The following TCP11 variants were observed in gnomAD, a reference collection of about 807,000 sequenced individuals.
The protein encoded by TCP11 is T-complex protein 11 homolog.
A neutral mutation model predicts 45.0 loss-of-function variants in TCP11; 34 were observed. That is an observed-to-expected ratio of 0.76 (90% CI 0.57 to 1.01). The LOEUF is 1.01. Among genes scored for constraint, TCP11 ranks in the 50% least tolerant of loss-of-function variants. The probability of loss-of-function intolerance (pLI) is 0.00; values close to 1 mark genes in which losing one functional copy is unlikely to be tolerated. For missense variants in TCP11, 523 were observed against 598.1 expected, an observed-to-expected ratio of 0.87 and a Z score of 1.31; for synonymous variants, 227 against 227.0, an observed-to-expected ratio of 1.00 and a Z score of 0.00.
chr6:35,129,982 T>C (rs1285757336), intron 3 of TCP11, among the ~76,000 whole-genome samples: 1 of 151,962 alleles, frequency 6.6e-6, no homozygotes, highest in Non-Finnish European at 1.5e-5. Flanking sequence ...GGGGTCCCGC[T>C]ATGTTGCTCG....
intron 2 of TCP11, chr6:35,140,089 C>G: frequency 6.2e-7 from 1 of 1,613,948 alleles, no homozygotes; most frequent in Non-Finnish European, 8.5e-7. Flanking sequence ...CAGCAGCGAC[C>G]TCATGTGGCC....
At chr6:35,140,292 A>T in intron 2 of TCP11, 1 of 1,251,034 alleles carries the variant, frequency 8.0e-7, no homozygotes, top group East Asian at 2.9e-5. Flanking sequence ...CGCGGAGAAG[A>T]CCTTGTGCCC....
At position 35,122,280 on chromosome 6, in the gene TCP11, C is replaced by A; in HGVS notation, c.415G>T (p.Ala139Ser). 1.2e-6 allele frequency: 2 copies of A among 1,614,160 alleles called. No homozygotes were observed. The highest frequency in any genetic ancestry group is 1.7e-6 in the Non-Finnish European group (2 of 1,180,036). The change falls in exon 5 of 10, where the codon GCT becomes TCT. Residue 139 changes from alanine (A) to serine (S), a missense_variant. By Grantham distance (99) the Ala-to-Ser change is moderately conservative. Transcript: ENST00000311875. ...QNRLRIEIEEALDMDLLKQEA... is the reference protein window; with the variant it reads ...QNRLRIEIEESLDMDLLKQEA... ...TGCTTGAGCAAGTCCATGTCCAGAG[C>A]TTCTTCAATCTCAATTCTCAGGCGG...
chr6:35,137,562 C>T (rs1781227791), intron 2 of TCP11: 1 of 167,530 alleles, frequency 6.0e-6, no homozygotes, highest in Admixed American at 6.4e-5. Flanking sequence ...GATTTCATTT[C>T]ACTAAATAGT....
chr6:35,139,995 CA>C, intron 2 of TCP11: 1 of 1,612,840 alleles, frequency 6.2e-7, no homozygotes, highest in Non-Finnish European at 8.5e-7. Context: ...ATTGTGTGTA[CA>C]AAAAAACGGA....
rs769745628 is a variant in TCP11 at position 35,140,105 on chromosome 6, A to T, written c.124+642T>A. The T allele has an allele frequency of 7.4e-6, 12 of 1,613,870 alleles. No homozygotes were observed. The South Asian group carries it at 1.3e-4, about 18-fold the overall frequency. ...AGCAGCGACCTCATGTGGCCACAAG[A>T]AAAACCAATCTAATTCAGCCGCAAA... On this transcript the variant is annotated intron_variant, in intron 2 of 9. Coordinates refer to ENST00000311875, the MANE Select transcript of TCP11 (RefSeq NM_001370687.1).
chr6:35,124,158 T>C (rs1226528496), intron 4 of TCP11, among the ~76,000 whole-genome samples: 1 of 152,058 alleles, frequency 6.6e-6, no homozygotes, highest in Non-Finnish European at 1.5e-5. Context: ...TTCATTTGAG[T>C]GATTTTGATT....
Position 35,129,057 on chromosome 6 carries a change from C to T in TCP11, c.357+5G>A, listed in dbSNP as rs1474184215. On this transcript the variant is annotated splice_donor_5th_base_variant and intron_variant, in intron 4 of 9. Transcript: ENST00000311875. ...CTTTACATTTACAAATGGAAGGTCA[C>T]TCACCTCTTTAATTTCTTTCAGAAG... is the stretch of plus-strand genomic sequence containing the variant. The T allele has an allele frequency of 1.5e-5, 24 of 1,613,156 alleles. No individual in the cohort carries two copies. The highest frequency in any genetic ancestry group is 1.9e-5 in the Non-Finnish European group (23 of 1,179,740).
At position 35,120,571 on chromosome 6, in the gene TCP11, T is replaced by G. The variant is rs758120624; in HGVS notation, c.791A>C (p.Asp264Ala). ...DLTMSPPTCP[D>A]TSDSSSVAGP... ...AGCCACACTGGAGGAGTCAGAAGTG[T>G]CTGGGCAAGTCGGAGGTGACATGGT... The change falls in exon 7 of 10, where the codon GAC (aspartate) becomes GCC (alanine). Residue 264 changes from aspartate (D) to alanine (A), a missense_variant. Coordinates refer to ENST00000311875, the MANE Select transcript of TCP11 (RefSeq NM_001370687.1). The surrounding 1 kb of genome is among the most constrained non-coding windows in gnomAD (Gnocchi z 4.9). 6.2e-7 allele frequency: 1 copy of G among 1,613,850 alleles called. No individual in the cohort carries two copies. The highest frequency in any genetic ancestry group is 1.1e-5 in the South Asian group (1 of 91,074).
chr6:35,140,721 C>T, intron 2 of TCP11, 26 bp downstream of exon 2: 1 of 1,515,368 alleles, frequency 6.6e-7, no homozygotes. Context: ...CCTAGGGGGC[C>T]ACAGGGACTG....
At chr6:35,127,247 A>G (rs901545962) in intron 4 of TCP11, among the ~76,000 whole-genome samples, 6 of 152,206 alleles carry the variant, frequency 3.9e-5, no homozygotes, top group Admixed American at 2.6e-4. Flanking sequence ...CTGAGTACCA[A>G]TGAGAAATTG....
chr6:35,129,555 A>G (rs1354589343), intron 3 of TCP11, among the ~76,000 whole-genome samples: 2 of 152,146 alleles, frequency 1.3e-5, no homozygotes, highest in Admixed American at 6.5e-5. Flanking sequence ...ATTTTCTTAT[A>G]CTCCTGAAAT....
rs1289422334 is a variant in TCP11 at position 35,122,282 on chromosome 6, T to G, written c.413A>C (p.Glu138Ala). The G allele has an allele frequency of 7.4e-6, 12 of 1,614,182 alleles. No individual in the cohort carries two copies. Among genetic ancestry groups the G allele is most frequent in the Middle Eastern group, 1.6e-4 (1 of 6,062 alleles). ...RQNRLRIEIE[E>A]ALDMDLLKQE... ...CTTGAGCAAGTCCATGTCCAGAGCT[T>G]CTTCAATCTCAATTCTCAGGCGGTT... Residue 138 changes from glutamate to alanine, a missense_variant, in exon 5 of 10, where the codon GAA becomes GCA. Glu to Ala is a moderately radical substitution (Grantham distance 107). Transcript: ENST00000311875.
intron 1 of TCP11, 61 bp downstream of exon 1, chr6:35,141,144 C>T (rs1456208060): frequency 3.8e-6 from 5 of 1,314,304 alleles, no homozygotes; most frequent in Non-Finnish European, 4.8e-6. Context: ...TCCTTCGCGG[C>T]GAGGTGCCCC....
rs150752841 is a variant in TCP11 at position 35,122,303 on chromosome 6, C to A, written c.392G>T (p.Arg131Leu). 2.5e-6 allele frequency: 4 copies of A among 1,614,058 alleles called. No individual in the cohort carries two copies. Among genetic ancestry groups the A allele is most frequent in the Non-Finnish European group, 2.5e-6 (3 of 1,180,014 alleles). Residue 131 changes from arginine (R) to leucine (L), a missense_variant, in exon 5 of 10, where the codon CGC (arginine) becomes CTC (leucine). By Grantham distance (102) the Arg-to-Leu change is moderately radical (BLOSUM62 -2). Around this residue, in one of 2 missense-constraint regions of TCP11, gnomAD observed 225 missense variants for 210.2 expected, o/e 1.07. Coordinates refer to ENST00000311875, the MANE Select transcript of TCP11 (RefSeq NM_001370687.1). The stretch of plus-strand genomic sequence containing the variant: ...AGCTTCTTCAATCTCAATTCTCAGG[C>A]GGTTCTGGCGTGGTAATAGCAGTGA... ...LLSLLLPRQN[R>L]LRIEIEEALD...
At chr6:35,121,072 A>G in intron 5 of TCP11, 27 bp from the exon 6 acceptor site, 3 of 1,584,508 alleles carry the variant, frequency 1.9e-6, no homozygotes, top group Non-Finnish European at 2.6e-6. Context: ...GAGAATATTT[A>G]TACTACTAAG....
intron 9 of TCP11, 52 bp from the exon 10 acceptor site, chr6:35,118,553 A>G (rs1441981619): frequency 1.1e-5 from 17 of 1,526,154 alleles, no homozygotes; most frequent in Non-Finnish European, 1.5e-5. Context: ...GATTTCAGGG[A>G]GAAAATTCCC....
At chr6:35,123,630 A>G (rs1333449878) in intron 4 of TCP11, among the ~76,000 whole-genome samples, 1 of 145,832 alleles carries the variant, frequency 6.9e-6, no homozygotes, top group Non-Finnish European at 1.5e-5. Flanking sequence ...ACATGTCACC[A>G]TGTCCAGCTT....
chr6:35,127,738 C>T (rs183512954), intron 4 of TCP11, among the ~76,000 whole-genome samples: 57 of 152,248 alleles, frequency 3.7e-4, no homozygotes, highest in African/African-American at 1.3e-3. Flanking sequence ...GTGATGGATA[C>T]AATAACTATT....
Sources: allele counts gnomAD v4.1 joint callset (sites outside exome capture counted in the v4.1 genomes callset), GRCh38; gene constraint gnomAD v4.1.1; regional missense constraint gnomAD v4.1.1; non-coding constraint Gnocchi (gnomAD v3.1); transcripts MANE v1.5; gene names NCBI Gene and HGNC (gene_info 2026-07-23, HGNC 2026-07-21).